ADGRB3: variants seen among roughly 807,000 people sequenced by gnomAD.
ADGRB3 encodes the protein brain-specific angiogenesis inhibitor 3.
ADGRB3 carries 37 observed loss-of-function variants against 193.4 expected under a neutral mutation model. The ratio of observed to expected loss-of-function variants is 0.19; its 90% CI spans 0.15 to 0.25. The LOEUF (loss-of-function observed/expected upper bound fraction) is 0.25. Ranked by LOEUF, ADGRB3 falls within the 10% of genes least tolerant of loss-of-function variation. ADGRB3 has a pLI of 1.00. For missense variants in ADGRB3, 1,637 were observed against 1,852.9 expected (o/e 0.88, Z 2.14); for synonymous variants, 690 against 644.2 (o/e 1.07, Z -1.08).
chr6:68,676,839 C>A (rs968330675), intron 3 of ADGRB3, among the ~76,000 whole-genome samples: 3 of 152,004 alleles, frequency 2.0e-5, no homozygotes, highest in Non-Finnish European at 4.4e-5. Context: ...AGTTAACCTG[C>A]AGTTAAACGA....
intron 3 of ADGRB3, among the ~76,000 whole-genome samples, chr6:68,834,444 T>A (rs192851137): frequency 1.1e-4 from 17 of 152,298 alleles, no homozygotes; most frequent in African/African-American, 3.6e-4. Flanking sequence ...GAATTTCATG[T>A]GTGTTTATAT....
chr6:68,726,536 C>G (rs894173650), intron 3 of ADGRB3, among the ~76,000 whole-genome samples: 8 of 151,568 alleles, frequency 5.3e-5, no homozygotes, highest in African/African-American at 1.9e-4. Context: ...AATCTGGACT[C>G]CTAGGAATTG....
chr6:69,102,204 A>G (rs781343870), intron 17 of ADGRB3, among the ~76,000 whole-genome samples: 1 of 150,162 alleles, frequency 6.7e-6, no homozygotes, highest in Non-Finnish European at 1.5e-5. Flanking sequence ...AAGACTCTCC[A>G]TCTTAAAAAC....
chr6:68,698,851 A>G (rs1416067233), intron 3 of ADGRB3, among the ~76,000 whole-genome samples: 2 of 152,066 alleles, frequency 1.3e-5, no homozygotes, highest in African/African-American at 2.4e-5. Context: ...AGGTAATGGA[A>G]GGATCAAATA....
intron 16 of ADGRB3, among the ~76,000 whole-genome samples, chr6:69,065,803 GTACATA>G (rs1389163710): frequency 1.1e-5 from 1 of 93,256 alleles, no homozygotes; most frequent in Admixed American, 1.2e-4. Flanking sequence ...ACACACATAT[GTACATA>G]TATTCAGTTG....
chr6:68,984,626 T>C (rs552517319), intron 10 of ADGRB3, among the ~76,000 whole-genome samples: 19 of 152,300 alleles, frequency 1.2e-4, no homozygotes, highest in African/African-American at 4.6e-4. Context: ...TTTTGTATTA[T>C]TTTGTTTTGT....
intron 11 of ADGRB3, among the ~76,000 whole-genome samples, chr6:68,995,912 T>C (rs538888564): frequency 1.3e-5 from 2 of 152,342 alleles, no homozygotes; most frequent in African/African-American, 2.4e-5. Flanking sequence ...TTATCTCTTG[T>C]ATTCTACTTC....
chr6:69,002,281 T>C (rs1001300208), intron 11 of ADGRB3, among the ~76,000 whole-genome samples: 9 of 151,318 alleles, frequency 5.9e-5, no homozygotes, highest in African/African-American at 2.2e-4. Context: ...TACAGTGGCA[T>C]GATCTCGGCT....
intron 16 of ADGRB3, among the ~76,000 whole-genome samples, chr6:69,074,792 T>G (rs940660105): frequency 1.3e-5 from 2 of 152,114 alleles, no homozygotes; most frequent in South Asian, 2.1e-4. Flanking sequence ...TGATCTGCCC[T>G]CCTTGGCCTC....
At chr6:68,643,438 C>CTT (rs765489730) in intron 3 of ADGRB3, among the ~76,000 whole-genome samples, 4,598 of 64,740 alleles carry the variant, frequency 0.071, 702 homozygotes, top group African/African-American at 0.13. Flanking sequence ...CTTCATCTTC[C>CTT]TTTTTTTTTT....
chr6:68,808,767 T>G (rs1419786328), intron 3 of ADGRB3, among the ~76,000 whole-genome samples: 26 of 150,760 alleles, frequency 1.7e-4, no homozygotes, highest in Admixed American at 1.7e-3. Flanking sequence ...AGAGAGTGAG[T>G]GGGAGAAAGA....
At chr6:68,865,436 G>A (rs1261215950) in intron 3 of ADGRB3, among the ~76,000 whole-genome samples, 1 of 152,088 alleles carries the variant, frequency 6.6e-6, no homozygotes, top group African/African-American at 2.4e-5. Context: ...TTCTCTGCAA[G>A]GTGAAGAAGA....
chr6:69,175,275 T>C (rs1775389983), intron 17 of ADGRB3, among the ~76,000 whole-genome samples: 2 of 152,234 alleles, frequency 1.3e-5, no homozygotes, highest in Non-Finnish European at 2.9e-5. Flanking sequence ...AATTTAGGTC[T>C]TACATGTAAG....
intron 16 of ADGRB3, among the ~76,000 whole-genome samples, chr6:69,064,229 A>C (rs965268644): frequency 6.6e-6 from 1 of 151,968 alleles, no homozygotes; most frequent in Non-Finnish European, 1.5e-5. Flanking sequence ...AAAAATTTCA[A>C]ATCTCTCTGC....
At chr6:69,184,141 A>G (rs1765015459) in intron 17 of ADGRB3, among the ~76,000 whole-genome samples, 1 of 152,150 alleles carries the variant, frequency 6.6e-6, no homozygotes, top group South Asian at 2.1e-4. Flanking sequence ...CATCAATTTT[A>G]TGGCACCTTC....
chr6:69,359,944 A>G (rs1019822876), intron 28 of ADGRB3, among the ~76,000 whole-genome samples: 1 of 151,836 alleles, frequency 6.6e-6, no homozygotes, highest in Non-Finnish European at 1.5e-5. Context: ...ATTCTGCCCT[A>G]TTATCCCCAA....
intron 17 of ADGRB3, among the ~76,000 whole-genome samples, chr6:69,120,849 T>C (rs538220245): frequency 6.6e-6 from 1 of 152,344 alleles, no homozygotes; most frequent in African/African-American, 2.4e-5. Context: ...GATGGTACTA[T>C]GTGTGTGACA....
rs368271788 is a variant in ADGRB3 at position 68,879,256 on chromosome 6, C to T, written c.758-51303C>T. On this transcript the variant is annotated intron_variant, in intron 3 of 31. Coordinates refer to ENST00000370598, the MANE Select transcript of ADGRB3 (RefSeq NM_001704.3). ...TTTTTTGACAGAGTCTCGCTCTATC[C>T]CCCAGGCTGGAGTGCAGTGGCAGGA... Among the ~76,000 whole-genome samples, 279 of 142,108 alleles carry T rather than the reference C, an allele frequency of 2.0e-3. 1 individual carries two copies. Among genetic ancestry groups the T allele is most frequent in the African/African-American group, 7.5e-3 (273 of 36,380 alleles). 93.2% of individuals were successfully genotyped at this position (142,108 alleles called of 152,430 possible). A position where few individuals can be genotyped will look rare whatever the true frequency, so the allele number is the denominator to read the frequency against.
intron 2 of ADGRB3, among the ~76,000 whole-genome samples, chr6:68,638,352 G>A (rs1248709077): frequency 2.6e-5 from 4 of 152,124 alleles, no homozygotes; most frequent in African/African-American, 9.7e-5. Context: ...CTTTTCATTC[G>A]ATAGAATGAT....
Sources: allele counts gnomAD v4.1 joint callset (sites outside exome capture counted in the v4.1 genomes callset), GRCh38; gene constraint gnomAD v4.1.1; transcripts MANE v1.5; gene names NCBI Gene and HGNC (gene_info 2026-07-23, HGNC 2026-07-21).